STT3B: variants seen among roughly 807,000 people sequenced by gnomAD.
STT3B encodes the protein dolichyl-diphosphooligosaccharide--protein glycosyltransferase subunit STT3B.
A neutral mutation model predicts 96.8 loss-of-function variants in STT3B; 29 were observed. The ratio of observed to expected loss-of-function variants is 0.30; its 90% CI spans 0.22 to 0.41. The LOEUF (loss-of-function observed/expected upper bound fraction) is 0.41. Among genes scored for constraint, STT3B ranks in the 10% least tolerant of loss-of-function variants. The pLI is 1.00. For missense variants in STT3B, 640 were observed against 1,022.3 expected, an observed-to-expected ratio of 0.63 and a Z score of 5.10; for synonymous variants, 367 against 360.0, an observed-to-expected ratio of 1.02 and a Z score of -0.22.
intron 14 of STT3B, among the ~76,000 whole-genome samples, chr3:31,632,672 T>G (rs113352560): frequency 8.1e-4 from 34 of 41,782 alleles, no homozygotes; most frequent in East Asian, 2.8e-3. Context: ...TTGGTGGGTT[T>G]TTTTTTTTTT....
intron 4 of STT3B, 27 bp downstream of exon 4, chr3:31,596,890 G>A (rs1698804273): frequency 6.5e-7 from 1 of 1,546,256 alleles, no homozygotes; most frequent in Non-Finnish European, 8.9e-7. Context: ...GAGACTACAT[G>A]AAGTCTAGTA....
chr3:31,595,119 C>A (rs999487570), intron 3 of STT3B, among the ~76,000 whole-genome samples: 1 of 152,130 alleles, frequency 6.6e-6, no homozygotes, highest in Admixed American at 6.5e-5. Flanking sequence ...TGTTCAGATT[C>A]TTCTTGGCCT....
intron 7 of STT3B, 27 bp downstream of exon 7, chr3:31,617,102 A>T (rs1410835108): frequency 1.3e-6 from 2 of 1,506,504 alleles, no homozygotes; most frequent in Non-Finnish European, 1.8e-6. Flanking sequence ...GTAGGGTGTG[A>T]ATATTGTCTA....
chr3:31,587,686 A>G (rs1427353691), intron 3 of STT3B, among the ~76,000 whole-genome samples: 2 of 152,086 alleles, frequency 1.3e-5, no homozygotes, highest in African/African-American at 4.8e-5. Context: ...TTTGGGTTCT[A>G]ATTTCTGTCT....
intron 1 of STT3B, among the ~76,000 whole-genome samples, chr3:31,555,992 A>G (rs1697700064): frequency 6.6e-6 from 1 of 152,134 alleles, no homozygotes; most frequent in African/African-American, 2.4e-5. Flanking sequence ...ATTAGAATTT[A>G]TGCCTTGTAT....
intron 5 of STT3B, 115 bp from the exon 6 acceptor site, chr3:31,614,990 T>C (rs1274769072): frequency 3.7e-6 from 2 of 546,176 alleles, no homozygotes; most frequent in African/African-American, 2.0e-5. Flanking sequence ...ATTTCAAGAT[T>C]CTGTTCTTAA....
chr3:31,565,315 A>G (rs544562948), intron 1 of STT3B, among the ~76,000 whole-genome samples: 1 of 152,210 alleles, frequency 6.6e-6, no homozygotes, highest in Non-Finnish European at 1.5e-5. Flanking sequence ...GGCAGACATT[A>G]TATTTCTCAT....
At chr3:31,570,733 G>C (rs780690912) in intron 1 of STT3B, among the ~76,000 whole-genome samples, 4 of 152,082 alleles carry the variant, frequency 2.6e-5, no homozygotes, top group Admixed American at 1.3e-4. Flanking sequence ...TATGGAACTG[G>C]GCTCAATTCT....
intron 1 of STT3B, among the ~76,000 whole-genome samples, chr3:31,553,000 G>T (rs1177249253): frequency 2.0e-5 from 3 of 151,452 alleles, no homozygotes; most frequent in Admixed American, 6.6e-5. Context: ...TACACGGGAG[G>T]CTGAGGCAGG....
At chr3:31,538,896 C>T (rs1410273608) in intron 1 of STT3B, among the ~76,000 whole-genome samples, 4 of 152,008 alleles carry the variant, frequency 2.6e-5, no homozygotes, top group Admixed American at 2.6e-4. Context: ...TGAGTAATTT[C>T]TGGGAATTTA....
At position 31,623,877 on chromosome 3, in the gene STT3B, G is replaced by T; in HGVS notation, c.1727+16G>T. The T allele has an allele frequency of 1.3e-6, 2 of 1,549,506 alleles. No individual in the cohort carries two copies. Among genetic ancestry groups the T allele is most frequent in the Non-Finnish European group, 1.8e-6 (2 of 1,139,498 alleles). Reference sequence around the variant, plus strand: ...ATCATGATGGGTAAGAAAATAACTCGGATACAAAAACATTTTATACTTACA... The same window carrying T: ...ATCATGATGGGTAAGAAAATAACTCTGATACAAAAACATTTTATACTTACA... On this transcript the variant is annotated intron_variant, in intron 11 of 15. Coordinates refer to ENST00000295770, the MANE Select transcript of STT3B (RefSeq NM_178862.3).
Position 31,636,023 on chromosome 3 carries a change from G to C in STT3B, c.2440G>C (p.Val814Leu). ...RKRGYIKNKL[V>L]FKKGKKISKK... ...GCGTGGCTACATTAAAAATAAGCTG[G>C]TTTTTAAGAAAGGCAAGAAAATATC... is the stretch of plus-strand genomic sequence containing the variant. Residue 814 changes from valine (V) to leucine (L), a missense_variant, in exon 16 of 16, where the codon GTT (valine) becomes CTT (leucine). Transcript: ENST00000295770. 6.2e-7 allele frequency: 1 copy of C among 1,609,416 alleles called. No homozygotes were observed.
At chr3:31,629,496 A>G in intron 14 of STT3B, 85 bp downstream of exon 14, 1 of 685,198 alleles carries the variant, frequency 1.5e-6, no homozygotes, top group Admixed American at 3.2e-5. Flanking sequence ...CAGGATAATG[A>G]TATTTTGATT....
chr3:31,619,105 G>A (rs1699375563), intron 8 of STT3B, among the ~76,000 whole-genome samples: 1 of 151,954 alleles, frequency 6.6e-6, no homozygotes, highest in African/African-American at 2.4e-5. Flanking sequence ...TAATTATTGG[G>A]TAAAGTATTT....
At chr3:31,551,656 A>C (rs1697564185) in intron 1 of STT3B, among the ~76,000 whole-genome samples, 1 of 152,136 alleles carries the variant, frequency 6.6e-6, no homozygotes, top group Non-Finnish European at 1.5e-5. Context: ...GTAACAACAA[A>C]CTGTTATAGG....
At chr3:31,536,451 T>C (rs929565590) in intron 1 of STT3B, among the ~76,000 whole-genome samples, 3 of 152,234 alleles carry the variant, frequency 2.0e-5, no homozygotes, top group Non-Finnish European at 2.9e-5. Flanking sequence ...TTTTTCCATA[T>C]CTCTATCAAT....
At chr3:31,571,483 C>T (rs558877667) in intron 1 of STT3B, among the ~76,000 whole-genome samples, 1 of 152,254 alleles carries the variant, frequency 6.6e-6, no homozygotes, top group South Asian at 2.1e-4. Flanking sequence ...CTTCTACTCA[C>T]AGCACATGCA....
At chr3:31,600,545 A>G in intron 5 of STT3B, 86 bp downstream of exon 5, 1 of 608,048 alleles carries the variant, frequency 1.6e-6, no homozygotes, top group African/African-American at 1.9e-5. Flanking sequence ...TATTTGGTCA[A>G]TATTATGCAT....
Position 31,633,051 on chromosome 3 carries a change from G to A in STT3B, c.2304G>A (p.Arg768=). 1.9e-6 allele frequency: 3 copies of A among 1,614,086 alleles called. No individual in the cohort carries two copies. Among genetic ancestry groups the A allele is most frequent in the Non-Finnish European group, 2.5e-6 (3 of 1,179,978 alleles). The part of the protein sequence containing the change: ...EAFTSEHWLV[R]IYKVKAPDNR... ...TTACATCAGAACACTGGCTTGTTAG[G>A]ATATATAAAGTAAAAGCACCTGATA... The change falls in exon 15 of 16, where the codon AGG becomes AGA. Residue 768 remains arginine, a synonymous_variant. Coordinates refer to ENST00000295770, the MANE Select transcript of STT3B (RefSeq NM_178862.3).
Sources: allele counts gnomAD v4.1 joint callset (sites outside exome capture counted in the v4.1 genomes callset), GRCh38; gene constraint gnomAD v4.1.1; transcripts MANE v1.5; gene names NCBI Gene and HGNC (gene_info 2026-07-23, HGNC 2026-07-21).